Variants in GALNTL6 observed in about 807,000 individuals in gnomAD.
GALNTL6 encodes the protein polypeptide N-acetylgalactosaminyltransferase like 6.
GALNTL6 carries 46 observed loss-of-function variants against 73.7 expected under a neutral mutation model. The ratio of observed to expected loss-of-function variants is 0.62; its 90% CI spans 0.49 to 0.80. The LOEUF is 0.80. Among genes scored for constraint, GALNTL6 ranks in the 30% least tolerant of loss-of-function variants. The pLI is 0.00. For missense variants in GALNTL6, 604 were observed against 755.0 expected, an observed-to-expected ratio of 0.80 and a Z score of 2.34; for synonymous variants, 259 against 263.7, an observed-to-expected ratio of 0.98 and a Z score of 0.17.
chr4:171,830,673 C>A (rs989213135), intron 2 of GALNTL6, among the ~76,000 whole-genome samples: 12 of 152,110 alleles, frequency 7.9e-5, no homozygotes, highest in African/African-American at 2.9e-4. Context: ...TATGTCAAGA[C>A]TTGACTGATC....
intron 2 of GALNTL6, among the ~76,000 whole-genome samples, chr4:172,095,179 A>G (rs1732316161): frequency 9.3e-6 from 1 of 107,694 alleles, no homozygotes; most frequent in African/African-American, 3.5e-5. Flanking sequence ...TCAAAAAATT[A>G]TGCATTACTG....
chr4:172,942,762 A>C (rs1748975704), intron 9 of GALNTL6, among the ~76,000 whole-genome samples: 1 of 152,178 alleles, frequency 6.6e-6, no homozygotes, highest in African/African-American at 2.4e-5. Flanking sequence ...AGAAGCATCA[A>C]CCACTAGCTC....
intron 5 of GALNTL6, among the ~76,000 whole-genome samples, chr4:172,487,184 A>C (rs1733698699): frequency 6.6e-6 from 1 of 151,874 alleles, no homozygotes; most frequent in Admixed American, 6.5e-5. Context: ...TAAAAGTGAA[A>C]ATCTTCATTT....
chr4:171,835,119 G>A (rs1735067067), intron 2 of GALNTL6, among the ~76,000 whole-genome samples: 3 of 151,958 alleles, frequency 2.0e-5, no homozygotes, highest in African/African-American at 7.2e-5. Flanking sequence ...TAGAAATGAG[G>A]AGTAAATTCA....
intron 2 of GALNTL6, among the ~76,000 whole-genome samples, chr4:172,157,516 G>A (rs551249952): frequency 1.3e-5 from 2 of 152,258 alleles, no homozygotes; most frequent in Admixed American, 1.3e-4. Context: ...CTGAAGAGTA[G>A]CATTTTAAAG....
chr4:171,829,150 A>G (rs1414461170), intron 2 of GALNTL6, among the ~76,000 whole-genome samples: 2 of 152,106 alleles, frequency 1.3e-5, no homozygotes, highest in African/African-American at 4.8e-5. Flanking sequence ...GCACTTTTCA[A>G]TGGTAAACTG....
chr4:172,514,354 A>G (rs1187999839), intron 5 of GALNTL6, among the ~76,000 whole-genome samples: 1 of 152,138 alleles, frequency 6.6e-6, no homozygotes, highest in African/African-American at 2.4e-5. Flanking sequence ...ACAGGTCACC[A>G]GTGAAGTGGG....
chr4:172,595,424 G>A (rs1737814791), intron 5 of GALNTL6, among the ~76,000 whole-genome samples: 1 of 152,018 alleles, frequency 6.6e-6, no homozygotes, highest in Admixed American at 6.6e-5. Flanking sequence ...TTTATACTCA[G>A]GCACATGAAT....
intron 2 of GALNTL6, among the ~76,000 whole-genome samples, chr4:172,124,462 C>G (rs913984328): frequency 8.5e-5 from 13 of 152,246 alleles, no homozygotes; most frequent in African/African-American, 3.1e-4. Flanking sequence ...CAAAACAGGA[C>G]TGCAGGTAAC....
chr4:172,514,887 G>A (rs1367094232), intron 5 of GALNTL6, among the ~76,000 whole-genome samples: 2 of 152,196 alleles, frequency 1.3e-5, no homozygotes, highest in Admixed American at 6.5e-5. Flanking sequence ...AGGCTTCCTA[G>A]TAAGGATGTG....
chr4:172,170,855 C>G (rs1180545033), intron 2 of GALNTL6, among the ~76,000 whole-genome samples: 3 of 152,124 alleles, frequency 2.0e-5, no homozygotes, highest in Non-Finnish European at 4.4e-5. Flanking sequence ...CTACTACATG[C>G]ACTGAAAATG....
chr4:172,545,031 T>A (rs1029138156), intron 5 of GALNTL6, among the ~76,000 whole-genome samples: 1 of 152,224 alleles, frequency 6.6e-6, no homozygotes, highest in Admixed American at 6.5e-5. Context: ...TATGCATGCT[T>A]GTATGGTCTA....
intron 2 of GALNTL6, among the ~76,000 whole-genome samples, chr4:172,076,561 C>T (rs1195585368): frequency 2.0e-5 from 3 of 152,056 alleles, no homozygotes; most frequent in Admixed American, 6.6e-5. Flanking sequence ...TGCAGAAAAT[C>T]GCCACATCTG....
chr4:172,806,140 T>C (rs540889085), intron 5 of GALNTL6, among the ~76,000 whole-genome samples: 141 of 152,272 alleles, frequency 9.3e-4, no homozygotes, highest in African/African-American at 3.4e-3. Flanking sequence ...TCATGAGTTA[T>C]AGGTAATTGG....
chr4:172,735,369 A>G (rs1736399364), intron 5 of GALNTL6, among the ~76,000 whole-genome samples: 1 of 152,162 alleles, frequency 6.6e-6, no homozygotes, highest in Admixed American at 6.5e-5. Context: ...TCAGATTTGT[A>G]TGGGGCCTGT....
chr4:172,591,576 T>C (rs1170935662), intron 5 of GALNTL6, among the ~76,000 whole-genome samples: 1 of 152,192 alleles, frequency 6.6e-6, no homozygotes, highest in African/African-American at 2.4e-5. Context: ...TTTTTAAAAT[T>C]CCAAAATGGA....
intron 5 of GALNTL6, among the ~76,000 whole-genome samples, chr4:172,658,329 T>C (rs1731185971): frequency 6.8e-6 from 1 of 146,756 alleles, no homozygotes. Context: ...TAGCCGGGCG[T>C]GGTGGCGGAC....
At chr4:172,383,503 T>C (rs538930081) in intron 5 of GALNTL6, among the ~76,000 whole-genome samples, 1 of 152,292 alleles carries the variant, frequency 6.6e-6, no homozygotes, top group South Asian at 2.1e-4. Context: ...TTGTGTGAAA[T>C]TCTCAGGATT....
At chr4:172,854,266 G>A (rs145286358) in intron 7 of GALNTL6, among the ~76,000 whole-genome samples, 7 of 152,050 alleles carry the variant, frequency 4.6e-5, no homozygotes, top group East Asian at 3.9e-4. Context: ...CTCCACACTC[G>A]GTGGGCCTTT....
Sources: allele counts gnomAD v4.1 joint callset (sites outside exome capture counted in the v4.1 genomes callset), GRCh38; gene constraint gnomAD v4.1.1; transcripts MANE v1.5; gene names NCBI Gene and HGNC (gene_info 2026-07-23, HGNC 2026-07-21).